Variants in CFAP43 observed in about 807,000 individuals in gnomAD.
CFAP43 encodes cilia- and flagella-associated protein 43.
CFAP43 carries 155 observed loss-of-function variants against 218.9 expected under a neutral mutation model. That is an observed-to-expected ratio of 0.71 (90% confidence interval 0.62 to 0.81). The LOEUF (loss-of-function observed/expected upper bound fraction) is 0.81. Among genes scored for constraint, CFAP43 ranks in the 30% least tolerant of loss-of-function variants. CFAP43 has a pLI of 0.00. For missense variants in CFAP43, 1,778 were observed against 1,954.3 expected (o/e 0.91, Z 1.70); for synonymous variants, 645 against 681.3 (o/e 0.95, Z 0.83).
At chr10:104,160,571 C>A (rs1162767332) in intron 27 of CFAP43, among the ~76,000 whole-genome samples, 1 of 152,220 alleles carries the variant, frequency 6.6e-6, no homozygotes, top group Non-Finnish European at 1.5e-5. Flanking sequence ...CAGAACTGCA[C>A]TGTAAAAACC....
intron 34 of CFAP43, among the ~76,000 whole-genome samples, chr10:104,138,188 C>T (rs989506646): frequency 1.3e-5 from 2 of 152,166 alleles, no homozygotes; most frequent in African/African-American, 4.8e-5. Context: ...AGCATGTATC[C>T]TTGAAATCAT....
At position 104,203,691 on chromosome 10, in the gene CFAP43, A is replaced by G; in HGVS notation, c.1076T>C (p.Leu359Ser). Residue 359 changes from leucine (L) to serine (S), a missense_variant, in exon 8 of 38, where the codon TTG (leucine) becomes TCG (serine). Physicochemically the swap from Leu to Ser is moderately radical, Grantham distance 145 (BLOSUM62 -2). This residue lies in a region of CFAP43 where 1,553 missense variants were observed against 1,685.2 expected (regional missense o/e 0.92). Coordinates refer to ENST00000357060, the MANE Select transcript of CFAP43 (RefSeq NM_025145.7). ...HMTFSPNYTV[L>S]LIQTDKGSVY... ...ACATACCTTGTCTGTTTGAATCAGC[A>G]ACACTGTATAATTGGGAGAAAATGT... The G allele has an allele frequency of 6.2e-7, 1 of 1,606,996 alleles. No homozygotes were observed. The highest frequency in any genetic ancestry group is 8.5e-7 in the Non-Finnish European group (1 of 1,177,468).
chr10:104,174,148 A>G (rs1468559833), intron 19 of CFAP43, among the ~76,000 whole-genome samples: 2 of 152,242 alleles, frequency 1.3e-5, no homozygotes, highest in East Asian at 3.8e-4. Context: ...AGGTGGTCAG[A>G]AAAAAATCAG....
chr10:104,220,579 A>C (rs897767560), intron 3 of CFAP43, among the ~76,000 whole-genome samples: 1 of 152,090 alleles, frequency 6.6e-6, no homozygotes, highest in African/African-American at 2.4e-5. Flanking sequence ...ATAAGAACAA[A>C]AAAAAAATGA....
In CFAP43 at chr10:104,207,727, A is replaced by G; in HGVS notation, c.833T>C (p.Met278Thr). 5.0e-6 allele frequency: 8 copies of G among 1,614,220 alleles called. No individual in the cohort carries two copies. Among genetic ancestry groups the G allele is most frequent in the Non-Finnish European group, 6.8e-6 (8 of 1,180,024 alleles). The change falls in exon 6 of 38, where the codon ATG (methionine) becomes ACG (threonine). Residue 278 changes from methionine to threonine, a missense_variant. Physicochemically the swap from Met to Thr is moderately conservative, Grantham distance 81. Transcript: ENST00000357060. ...CACTTGCAAGGTGTCTCCATTAATC[A>G]TTAAAAGATGACCCTCTTCACAGCC... ...YIGCEEGHLL[M>T]INGDTLQVTV...
chr10:104,150,058 G>A (rs1208281331), intron 28 of CFAP43, among the ~76,000 whole-genome samples: 1 of 152,128 alleles, frequency 6.6e-6, no homozygotes, highest in Admixed American at 6.5e-5. Context: ...GGCCTTTGTT[G>A]TCTGGCTTCT....
chr10:104,133,454 G>C, intron 35 of CFAP43, 166 bp downstream of exon 35: 1 of 683,202 alleles, frequency 1.5e-6, no homozygotes, highest in Non-Finnish European at 2.3e-6. Flanking sequence ...ACTGGAGGCT[G>C]CAAATGTAAA....
Position 104,188,333 on chromosome 10 carries a change from A to G in CFAP43, c.1624T>C (p.Ser542Pro), listed in dbSNP as rs771600191. Residue 542 changes from serine to proline, a missense_variant, in exon 13 of 38, where the codon TCG (serine) becomes CCG (proline). Ser to Pro is a moderately conservative substitution (Grantham distance 74, BLOSUM62 -1). Coordinates refer to ENST00000357060, the MANE Select transcript of CFAP43 (RefSeq NM_025145.7). Reference protein sequence around the residue: ...TDIVEVMVLSSLPEAGRSRLE... With the variant: ...TDIVEVMVLSPLPEAGRSRLE... The stretch of plus-strand genomic sequence containing the variant: ...CTGCTTCTCCCTGCTTCTGGAAGCG[A>G]GGAAAGCACCATCACTTCCACTATG... 2 of 1,614,212 alleles carry G rather than the reference A, an allele frequency of 1.2e-6. No homozygotes were observed. Among genetic ancestry groups the G allele is most frequent in the Non-Finnish European group, 1.7e-6 (2 of 1,180,024 alleles).
chr10:104,215,849 C>T (rs2090997864), intron 3 of CFAP43, among the ~76,000 whole-genome samples: 2 of 152,128 alleles, frequency 1.3e-5, no homozygotes, highest in South Asian at 4.2e-4. Context: ...CTGCATGGTT[C>T]TCTCCGCCTC....
At position 104,214,289 on chromosome 10, in the gene CFAP43, C is replaced by A. The variant is rs2090953594; in HGVS notation, c.554G>T (p.Arg185Ile). The A allele has an allele frequency of 1.3e-6, 2 of 1,599,870 alleles. No individual in the cohort carries two copies. Among genetic ancestry groups the A allele is most frequent in the East Asian group, 4.5e-5 (2 of 44,438 alleles). ...TCTGAAACAATGCTCCTGGTTACTT[C>A]TTTCAATGGTCCACACGCTCACTGT... ...PSTVSVWTIE[R>I]SNQEHCFRAR... The change falls in exon 4 of 38, where the codon AGA becomes ATA. Residue 185 changes from arginine to isoleucine, a missense_variant. Physicochemically the swap from Arg to Ile is moderately conservative, Grantham distance 97 (BLOSUM62 -3). Coordinates refer to ENST00000357060, the MANE Select transcript of CFAP43 (RefSeq NM_025145.7).
At chr10:104,211,916 T>C in intron 5 of CFAP43, 91 bp downstream of exon 5, 1 of 1,424,880 alleles carries the variant, frequency 7.0e-7, no homozygotes, top group Non-Finnish European at 9.5e-7. Context: ...GTATCCTGCA[T>C]TTCTCAAGGG....
chr10:104,167,303 A>G (rs543653718), intron 22 of CFAP43, among the ~76,000 whole-genome samples: 29 of 152,290 alleles, frequency 1.9e-4, no homozygotes, highest in Non-Finnish European at 3.5e-4. Context: ...CCCTAGTGAC[A>G]AGGGAGGATG....
At chr10:104,202,167 T>C (rs898056649) in intron 8 of CFAP43, among the ~76,000 whole-genome samples, 4 of 152,232 alleles carry the variant, frequency 2.6e-5, no homozygotes, top group Non-Finnish European at 5.9e-5. Flanking sequence ...TTTTGCCCCA[T>C]GGAGCCACAA....
Position 104,162,011 on chromosome 10 carries a change from C to CGACAT in CFAP43, c.3363_3364insATGTC (p.Asp1122MetfsTer4). ...ACTTCCAGAACTCCTCCCATCATGTCCATCAGAGCTCGGAGTCTTGTACTG... is the reference window on the plus strand; with the variant it reads ...ACTTCCAGAACTCCTCCCATCATGTCGACATCATCAGAGCTCGGAGTCTTGTACTG... On this transcript the variant is annotated frameshift_variant, in exon 26 of 38. Transcript: ENST00000357060. LOFTEE classifies it high-confidence loss of function. 6.2e-7 allele frequency: 1 copy of CGACAT among 1,613,862 alleles called. No individual in the cohort carries two copies. The highest frequency in any genetic ancestry group is 8.5e-7 in the Non-Finnish European group (1 of 1,179,944).
In CFAP43 at chr10:104,166,477, A is replaced by T; in HGVS notation, c.3039+11T>A. ...TAGAGATTTTTCAGGATAAAAAGAA[A>T]ATTGACCCACTTTCAATAATATAAT... is the stretch of plus-strand genomic sequence containing the variant. On this transcript the variant is annotated intron_variant, in intron 23 of 37. Coordinates refer to ENST00000357060, the MANE Select transcript of CFAP43 (RefSeq NM_025145.7). 1 of 1,602,148 alleles carries T rather than the reference A, an allele frequency of 6.2e-7. No individual in the cohort carries two copies. Among genetic ancestry groups the T allele is most frequent in the Admixed American group, 1.7e-5 (1 of 58,630 alleles).
In CFAP43 at chr10:104,207,700, G is replaced by A. The variant is rs2090736497; in HGVS notation, c.860C>T (p.Thr287Ile). The A allele has an allele frequency of 1.9e-6, 3 of 1,613,946 alleles. No homozygotes were observed. In the Admixed American group the frequency reaches 5.0e-5, roughly 27 times the overall value. Reference protein sequence around the residue: ...LMINGDTLQVTVLNKIEEESP... With the variant: ...LMINGDTLQVIVLNKIEEESP... ...TTCCTCTTCTATCTTATTAAGTACA[G>A]TCACTTGCAAGGTGTCTCCATTAAT... Residue 287 changes from threonine to isoleucine, a missense_variant, in exon 6 of 38, where the codon ACT becomes ATT. Coordinates refer to ENST00000357060, the MANE Select transcript of CFAP43 (RefSeq NM_025145.7).
intron 5 of CFAP43, among the ~76,000 whole-genome samples, chr10:104,210,421 C>T (rs937968765): frequency 6.6e-6 from 1 of 152,228 alleles, no homozygotes; most frequent in African/African-American, 2.4e-5. Flanking sequence ...GGCTGGAGTG[C>T]AATGGTGCAA....
chr10:104,202,110 G>A (rs991343181), intron 8 of CFAP43, among the ~76,000 whole-genome samples: 1 of 152,128 alleles, frequency 6.6e-6, no homozygotes. Flanking sequence ...TAGTGGGTGT[G>A]GCTATGTTCC....
intron 4 of CFAP43, among the ~76,000 whole-genome samples, chr10:104,213,641 T>G (rs111335719): frequency 4.6e-5 from 7 of 152,018 alleles, no homozygotes; most frequent in African/African-American, 7.3e-5. Context: ...GTTCAAGTGA[T>G]TCTCCTGTCT....
Sources: gnomAD v4.1 joint callset for allele counts (sites outside exome capture counted in the v4.1 genomes callset) on GRCh38, gnomAD v4.1.1 for gene constraint, gnomAD v4.1.1 regional missense constraint, MANE v1.5 for transcripts, NCBI Gene and HGNC (gene_info 2026-07-23, HGNC 2026-07-21) for gene names.